Variants in PRDM10 observed in about 807,000 individuals in gnomAD.
PRDM10 encodes PR/SET domain 10, also known as PR domain zinc finger protein 10.
PRDM10 carries 65 observed loss-of-function variants against 133.1 expected under a neutral mutation model. The observed-to-expected ratio is 0.49, with a 90% CI of 0.40 to 0.60. The LOEUF is 0.60. Among genes scored for constraint, PRDM10 ranks in the 20% least tolerant of loss-of-function variants. The pLI is 0.00. For synonymous variants in PRDM10, 582 were observed against 580.4 expected, an observed-to-expected ratio of 1.00 and a Z score of -0.04; for missense variants, 1,137 against 1,507.1, an observed-to-expected ratio of 0.75 and a Z score of 4.07.
At chr11:129,929,370 A>T (rs751607685) in intron 11 of PRDM10, 9 of 1,555,256 alleles carry the variant, frequency 5.8e-6, no homozygotes, top group African/African-American at 1.4e-5. Flanking sequence ...CAGGCAAACA[A>T]GTAACATTCT....
intron 5 of PRDM10, among the ~76,000 whole-genome samples, chr11:129,946,069 T>C (rs1488903132): frequency 1.3e-5 from 2 of 150,214 alleles, no homozygotes; most frequent in African/African-American, 4.9e-5. Flanking sequence ...AAACTCCATC[T>C]CTACTAAAAA....
chr11:129,915,579 T>C (rs1190292746), intron 16 of PRDM10, 81 bp downstream of exon 16: 18 of 1,423,238 alleles, frequency 1.3e-5, no homozygotes, highest in East Asian at 6.9e-5. Flanking sequence ...ATCCAGGCCA[T>C]GTGGATGAGA....
chr11:129,913,237 A>C (rs1381103674), intron 17 of PRDM10, among the ~76,000 whole-genome samples: 1 of 151,776 alleles, frequency 6.6e-6, no homozygotes, highest in Non-Finnish European at 1.5e-5. Flanking sequence ...AAAAAAAAAA[A>C]AAACCAAAAA....
intron 4 of PRDM10, among the ~76,000 whole-genome samples, chr11:129,953,129 C>G (rs764403294): frequency 2.7e-4 from 41 of 151,672 alleles, no homozygotes; most frequent in African/African-American, 5.6e-4. Flanking sequence ...AGGTGCCCAC[C>G]ACCATGCCCA....
chr11:129,972,768 T>C (rs960465266), intron 1 of PRDM10, among the ~76,000 whole-genome samples: 1 of 152,202 alleles, frequency 6.6e-6, no homozygotes, highest in African/African-American at 2.4e-5. Context: ...CTTGTGGCCC[T>C]TGACTGCCCG....
intron 1 of PRDM10, among the ~76,000 whole-genome samples, chr11:129,965,852 A>G (rs2512904): frequency 0.033 from 4,956 of 152,270 alleles, 132 homozygotes; most frequent in Non-Finnish European, 0.051. Context: ...GAACTTTACA[A>G]TCAGACAAAT....
At chr11:129,944,524 G>T (rs1369341748) in intron 6 of PRDM10, among the ~76,000 whole-genome samples, 1 of 151,218 alleles carries the variant, frequency 6.6e-6, no homozygotes, top group Non-Finnish European at 1.5e-5. Context: ...GGCGGAGCTT[G>T]CAGTGAGCCG....
chr11:129,974,980 G>A (rs913626470), intron 1 of PRDM10, among the ~76,000 whole-genome samples: 3 of 152,206 alleles, frequency 2.0e-5, no homozygotes, highest in Non-Finnish European at 4.4e-5. Context: ...GGCAACTCCA[G>A]AGACAGAACG....
At chr11:129,950,963 T>C (rs1489509676) in intron 4 of PRDM10, among the ~76,000 whole-genome samples, 20 of 152,194 alleles carry the variant, frequency 1.3e-4, no homozygotes, top group Admixed American at 1.3e-3. Context: ...CCTAACAGAC[T>C]GTGGCAAAAG....
intron 19 of PRDM10, 99 bp downstream of exon 19, chr11:129,910,377 A>G: frequency 6.6e-7 from 1 of 1,513,766 alleles, no homozygotes. Context: ...ACAATGGCCA[A>G]GAGATACTTT....
At chr11:129,936,761 G>C (rs1951045903) in intron 8 of PRDM10, among the ~76,000 whole-genome samples, 1 of 152,190 alleles carries the variant, frequency 6.6e-6, no homozygotes, top group Admixed American at 6.5e-5. Flanking sequence ...TTGGTCTGGG[G>C]CTTGGGAGCT....
intron 6 of PRDM10, among the ~76,000 whole-genome samples, chr11:129,944,478 G>C (rs368910658): frequency 1.1e-4 from 16 of 151,392 alleles, no homozygotes; most frequent in Admixed American, 2.0e-4. Flanking sequence ...CCAGCTACTC[G>C]GGAGGCTGAG....
intron 7 of PRDM10, among the ~76,000 whole-genome samples, chr11:129,939,778 G>A (rs956686237): frequency 6.6e-6 from 1 of 152,310 alleles, no homozygotes; most frequent in South Asian, 2.1e-4. Context: ...TCTCAGTAAG[G>A]CATCAGCTGT....
chr11:129,937,981 T>C (rs930342756), intron 7 of PRDM10, among the ~76,000 whole-genome samples: 2 of 152,214 alleles, frequency 1.3e-5, no homozygotes, highest in African/African-American at 4.8e-5. Context: ...TTCTTATCTA[T>C]ATTTAAACAC....
intron 15 of PRDM10, 28 bp downstream of exon 15, chr11:129,917,099 C>A: frequency 6.5e-7 from 1 of 1,529,990 alleles, no homozygotes; most frequent in Non-Finnish European, 9.0e-7. Context: ...ACCCCAGTGG[C>A]ATACCAATAT....
intron 7 of PRDM10, among the ~76,000 whole-genome samples, chr11:129,941,828 A>T (rs929710271): frequency 6.6e-6 from 1 of 152,226 alleles, no homozygotes; most frequent in African/African-American, 2.4e-5. Flanking sequence ...GGTTGAGTGT[A>T]TTAAGTACAT....
At chr11:129,915,274 C>T (rs556324221) in intron 16 of PRDM10, among the ~76,000 whole-genome samples, 4 of 151,056 alleles carry the variant, frequency 2.6e-5, no homozygotes, top group African/African-American at 9.7e-5. Context: ...CAAATAGTAC[C>T]TGCAGCAATC....
chr11:129,946,690 GGA>G lies in PRDM10; in HGVS notation c.520+453_520+454del, dbSNP rs1299623589. On this transcript the variant is annotated intron_variant, in intron 5 of 20. Transcript: ENST00000360871. ...ATGGTAGGGCCATGGAGGGCATAAA[GGA>G]GGTAGTAGACTCAGGGCACTCACGC... 1.8e-4 allele frequency among the ~76,000 whole-genome samples: 27 copies of G among 152,338 alleles called. No individual in the cohort carries two copies. The East Asian group carries it at 5.0e-3, about 28-fold the overall frequency.
intron 20 of PRDM10, among the ~76,000 whole-genome samples, chr11:129,903,252 C>A (rs979896068): frequency 2.0e-5 from 3 of 150,916 alleles, no homozygotes; most frequent in Non-Finnish European, 4.4e-5. Context: ...GAGTTGAGAT[C>A]GTGCCATTGC....
Sources: allele counts gnomAD v4.1 joint callset (sites outside exome capture counted in the v4.1 genomes callset), GRCh38; gene constraint gnomAD v4.1.1; transcripts MANE v1.5; gene names NCBI Gene and HGNC (gene_info 2026-07-23, HGNC 2026-07-21).